Variants in USP7 observed in about 807,000 individuals in gnomAD.
USP7 encodes ubiquitin specific peptidase 7.
USP7 carries 9 observed loss-of-function variants against 162.9 expected under a neutral mutation model. That is an observed-to-expected ratio of 0.06 (90% CI 0.03 to 0.10). USP7 has a LOEUF of 0.10. Ranked by LOEUF, USP7 falls within the 10% of genes least tolerant of loss-of-function variation. USP7 has a pLI of 1.00. For synonymous variants in USP7, 562 were observed against 475.9 expected (o/e 1.18, Z -2.35); for missense variants, 715 against 1,373.7 (o/e 0.52, Z 7.58).
At chr16:8,912,099 C>CT (rs1238574849) in intron 10 of USP7, among the ~76,000 whole-genome samples, 4 of 152,198 alleles carry the variant, frequency 2.6e-5, no homozygotes, top group African/African-American at 9.7e-5. Flanking sequence ...TTAGGAATAT[C>CT]TAACACCCAG....
At chr16:8,936,632 T>C (rs1370871624) in intron 1 of USP7, 4 of 1,555,980 alleles carry the variant, frequency 2.6e-6, no homozygotes, top group African/African-American at 1.4e-5. Context: ...GGCTCTGCAG[T>C]GGCCTCTGCT....
intron 10 of USP7, 131 bp downstream of exon 10, chr16:8,915,123 G>T: frequency 1.2e-6 from 1 of 843,166 alleles, no homozygotes; most frequent in Non-Finnish European, 1.8e-6. Flanking sequence ...CACCCAGTGA[G>T]CTGTTTGCTT....
chr16:8,898,442 TAAGAA>T lies in USP7; in HGVS notation c.2641-10_2641-6del, dbSNP rs1278683804. 2 of 1,612,530 alleles carry T rather than the reference TAAGAA, an allele frequency of 1.2e-6. No individual in the cohort carries two copies. The highest frequency in any genetic ancestry group is 8.5e-7 in the Non-Finnish European group (1 of 1,179,536). On this transcript the variant is annotated splice_region_variant and splice_polypyrimidine_tract_variant and intron_variant, in intron 24 of 30. Transcript: ENST00000344836. ...GTCTGTGATTTTCATCTTAAGCTAT[TAAGAA>T]AAGAAAGATTCACATCAGATACCGT...
At chr16:8,958,698 C>A (rs1899898128) in intron 1 of USP7, among the ~76,000 whole-genome samples, 1 of 152,230 alleles carries the variant, frequency 6.6e-6, no homozygotes, top group Non-Finnish European at 1.5e-5. Context: ...CACTTCCCCA[C>A]ACTCATCGCA....
intron 1 of USP7, among the ~76,000 whole-genome samples, chr16:8,947,562 C>T (rs1253450570): frequency 2.0e-5 from 3 of 152,068 alleles, no homozygotes; most frequent in Non-Finnish European, 4.4e-5. Context: ...TGCCCAGGCT[C>T]GTCTCGAACT....
chr16:8,916,364 C>G, intron 8 of USP7, 138 bp downstream of exon 8: 1 of 869,748 alleles, frequency 1.1e-6, no homozygotes, highest in Non-Finnish European at 1.7e-6. Context: ...CATCTGCTGC[C>G]TTTTTGTAGC....
intron 1 of USP7, 108 bp downstream of exon 1, chr16:8,963,099 C>T: frequency 8.5e-6 from 9 of 1,061,238 alleles, no homozygotes; most frequent in South Asian, 5.4e-5. Flanking sequence ...CCGGCGGCCG[C>T]CCGGGGCCTG....
chr16:8,901,131 G>C lies in USP7; in HGVS notation c.2140+11C>G. ...AAATCTACTCAGAAGGTAAGTGCAC[G>C]AAGGACTTACGTATTTTACAGGATA... On this transcript the variant is annotated intron_variant, in intron 19 of 30. Coordinates refer to ENST00000344836, the MANE Select transcript of USP7 (RefSeq NM_003470.3). 1 of 1,611,694 alleles carries C rather than the reference G, an allele frequency of 6.2e-7. No homozygotes were observed. The highest frequency in any genetic ancestry group is 1.7e-5 in the Admixed American group (1 of 60,010).
At chr16:8,944,329 G>A (rs909426408) in intron 1 of USP7, among the ~76,000 whole-genome samples, 2 of 152,246 alleles carry the variant, frequency 1.3e-5, no homozygotes, top group Middle Eastern at 3.4e-3. Context: ...GGAGTCAGGA[G>A]GAGGCCAGAG....
chr16:8,932,541 T>C (rs1023785571), intron 1 of USP7, among the ~76,000 whole-genome samples: 1 of 152,118 alleles, frequency 6.6e-6, no homozygotes, highest in Non-Finnish European at 1.5e-5. Context: ...AGACACAGGA[T>C]GGAGAGAAGG....
chr16:8,957,682 C>T (rs928472902), intron 1 of USP7, among the ~76,000 whole-genome samples: 1 of 151,478 alleles, frequency 6.6e-6, no homozygotes, highest in East Asian at 1.9e-4. Flanking sequence ...CACCTGAGCC[C>T]GGAAGTTTAA....
At chr16:8,899,493 T>G (rs889846391) in intron 22 of USP7, 111 bp downstream of exon 22, 4 of 1,372,822 alleles carry the variant, frequency 2.9e-6, no homozygotes, top group Non-Finnish European at 4.0e-6. Context: ...TCCTCGGGCA[T>G]AGCCCCTTCT....
intron 2 of USP7, among the ~76,000 whole-genome samples, chr16:8,928,626 T>A (rs957243614): frequency 2.0e-5 from 3 of 152,122 alleles, no homozygotes; most frequent in African/African-American, 7.2e-5. Context: ...CCCACGCACT[T>A]TGCCATCAGA....
chr16:8,937,501 C>T (rs1898816128), intron 1 of USP7, among the ~76,000 whole-genome samples: 1 of 152,100 alleles, frequency 6.6e-6, no homozygotes, highest in Admixed American at 6.5e-5. Context: ...GAGATCACGC[C>T]ATTGCACTCC....
chr16:8,921,018 A>T, intron 4 of USP7, 139 bp downstream of exon 4: 1 of 972,320 alleles, frequency 1.0e-6, no homozygotes, highest in South Asian at 2.0e-5. Context: ...TGGAGAAAAC[A>T]TGTTTTCAAA....
chr16:8,936,561 T>G (rs1398590667), intron 1 of USP7: 4 of 1,526,562 alleles, frequency 2.6e-6, no homozygotes, highest in Non-Finnish European at 3.5e-6. Context: ...CATAAGGAGC[T>G]CAACCTGAAA....
chr16:8,938,434 C>T (rs920005840), intron 1 of USP7, among the ~76,000 whole-genome samples: 9 of 152,094 alleles, frequency 5.9e-5, no homozygotes, highest in African/African-American at 1.9e-4. Flanking sequence ...CTCAGGGGGC[C>T]GGGCACGGTG....
intron 1 of USP7, among the ~76,000 whole-genome samples, chr16:8,957,978 A>G (rs912849565): frequency 2.0e-5 from 3 of 152,218 alleles, no homozygotes; most frequent in Non-Finnish European, 4.4e-5. Flanking sequence ...ATACCGTTTT[A>G]TGGCTTCAGC....
intron 30 of USP7, 148 bp downstream of exon 30, chr16:8,894,402 A>G (rs1429713383): frequency 2.8e-6 from 2 of 715,070 alleles, no homozygotes; most frequent in Non-Finnish European, 4.6e-6. Context: ...CTCGTAGGTT[A>G]TGGAATGCTA....
Sources: gnomAD v4.1 joint callset for allele counts (sites outside exome capture counted in the v4.1 genomes callset) on GRCh38, gnomAD v4.1.1 for gene constraint, MANE v1.5 for transcripts, NCBI Gene and HGNC (gene_info 2026-07-23, HGNC 2026-07-21) for gene names.